Variants in SLCO1B3 observed in about 807,000 individuals in gnomAD.
The protein encoded by SLCO1B3 is solute carrier organic anion transporter family member 1B3.
In SLCO1B3, 72 loss-of-function variants were observed where a neutral mutation model predicts 71.8. The observed-to-expected ratio is 1.00, with a 90% CI of 0.83 to 1.22. The LOEUF (loss-of-function observed/expected upper bound fraction) is 1.22. Among genes scored for constraint, SLCO1B3 ranks in the 50% most tolerant of loss-of-function variants. SLCO1B3 has a pLI of 0.00. For synonymous variants in SLCO1B3, 298 were observed against 278.4 expected (o/e 1.07, Z -0.70); for missense variants, 911 against 819.7 (o/e 1.11, Z -1.36).
chr12:20,916,062 G>A lies in SLCO1B3; in HGVS notation c.1924G>A (p.Val642Ile), dbSNP rs550497909. ...LRFPALVLYI[V>I]FIFAMKKKFQ... Reference sequence around the variant, plus strand: ...ATTCCCAGCACTTGTTTTATATATTGTTTTCATTTTTGCTATGAAGAAAAA... The same window carrying A: ...ATTCCCAGCACTTGTTTTATATATTATTTTCATTTTTGCTATGAAGAAAAA... Residue 642 changes from valine to isoleucine, a missense_variant, in exon 16 of 16, where the codon GTT (valine) becomes ATT (isoleucine). By Grantham distance (29) the Val-to-Ile change is conservative. Transcript: ENST00000381545. 6.2e-7 allele frequency: 1 copy of A among 1,611,010 alleles called. No individual in the cohort carries two copies. The highest frequency in any genetic ancestry group is 1.3e-5 in the African/African-American group (1 of 74,922).
Position 20,815,024 on chromosome 12 carries a change from T to G in SLCO1B3, c.-65-650T>G, listed in dbSNP as rs11045525. Among the ~76,000 whole-genome samples the G allele has an allele frequency of 2.1e-3, 317 of 151,022 alleles. 1 individual carries two copies. The highest frequency in any genetic ancestry group is 7.0e-3 in the Middle Eastern group (2 of 286). ...ATTTTTCAACTACATGCATGTATTT[T>G]CTCTTGAAAAATAAGTGGATAAACC... is the stretch of plus-strand genomic sequence containing the variant. On this transcript the variant is annotated intron_variant, in intron 2 of 15. Coordinates refer to ENST00000381545, the MANE Select transcript of SLCO1B3 (RefSeq NM_019844.4).
At chr12:20,905,192 G>C (rs568267673) in intron 15 of SLCO1B3, among the ~76,000 whole-genome samples, 1 of 152,138 alleles carries the variant, frequency 6.6e-6, no homozygotes, top group Non-Finnish European at 1.5e-5. Context: ...CATCTCCCAA[G>C]GTTGCACAGG....
intron 13 of SLCO1B3, among the ~76,000 whole-genome samples, chr12:20,887,693 A>AT (rs1467921208): frequency 2.7e-5 from 4 of 149,752 alleles, no homozygotes; most frequent in East Asian, 2.0e-4. Context: ...GATTATTATT[A>AT]TTATTTTTTT....
intron 8 of SLCO1B3, among the ~76,000 whole-genome samples, chr12:20,872,977 T>TA (rs1472444120): frequency 3.9e-5 from 6 of 152,108 alleles, no homozygotes; most frequent in Non-Finnish European, 8.8e-5. Context: ...GCATCTAGAG[T>TA]ATGCAGGGTC....
chr12:20,908,255 TGAG>T (rs1242036259), intron 15 of SLCO1B3, among the ~76,000 whole-genome samples: 2 of 152,180 alleles, frequency 1.3e-5, no homozygotes, highest in Admixed American at 6.6e-5. Flanking sequence ...ACAGTAAAAT[TGAG>T]GAGAAAGCAC....
At chr12:20,843,401 A>T in intron 3 of SLCO1B3, among the ~76,000 whole-genome samples, 1 of 152,128 alleles carries the variant, frequency 6.6e-6, no homozygotes, top group East Asian at 1.9e-4. Flanking sequence ...TTGAGACCTT[A>T]TATGCTCAAT....
At chr12:20,873,633 T>C (rs1481988136) in intron 8 of SLCO1B3, among the ~76,000 whole-genome samples, 2 of 152,202 alleles carry the variant, frequency 1.3e-5, no homozygotes, top group South Asian at 2.1e-4. Flanking sequence ...AGTTCCAGGA[T>C]ACATGTGCAG....
At chr12:20,835,636 G>A (rs753313044) in intron 3 of SLCO1B3, among the ~76,000 whole-genome samples, 25 of 152,206 alleles carry the variant, frequency 1.6e-4, no homozygotes, top group Middle Eastern at 3.4e-3. Flanking sequence ...CTTCAGCCTG[G>A]ACTTTATTGT....
chr12:20,845,512 C>T (rs550050113), intron 3 of SLCO1B3, among the ~76,000 whole-genome samples: 3 of 152,046 alleles, frequency 2.0e-5, no homozygotes, highest in Non-Finnish European at 2.9e-5. Flanking sequence ...ATAGATGCTT[C>T]AGTTTGTTCT....
chr12:20,827,614 C>T (rs553598247), intron 3 of SLCO1B3, among the ~76,000 whole-genome samples: 3 of 152,006 alleles, frequency 2.0e-5, no homozygotes, highest in East Asian at 1.9e-4. Flanking sequence ...CTCCGTTGCC[C>T]GGGCTGGAGT....
chr12:20,900,824 G>A (rs915339826), intron 14 of SLCO1B3, among the ~76,000 whole-genome samples: 2 of 152,178 alleles, frequency 1.3e-5, no homozygotes, highest in South Asian at 2.1e-4. Flanking sequence ...GTGAAGCTGG[G>A]CCTGAACTTC....
chr12:20,857,575 A>C (rs1372787160), intron 4 of SLCO1B3, among the ~76,000 whole-genome samples: 2 of 151,924 alleles, frequency 1.3e-5, no homozygotes, highest in Non-Finnish European at 2.9e-5. Flanking sequence ...TATTATTTTT[A>C]GTCTGCCAGT....
intron 2 of SLCO1B3, among the ~76,000 whole-genome samples, chr12:20,815,243 C>A (rs1028615801): frequency 2.0e-5 from 3 of 152,000 alleles, no homozygotes; most frequent in African/African-American, 7.2e-5. Flanking sequence ...ATTTTTCAAC[C>A]CATTTTGAGT....
intron 3 of SLCO1B3, among the ~76,000 whole-genome samples, chr12:20,844,398 C>G (rs1864865910): frequency 1.3e-5 from 2 of 151,778 alleles, no homozygotes; most frequent in African/African-American, 2.4e-5. Context: ...GAAACCCCCT[C>G]TCTACTAAAA....
intron 3 of SLCO1B3, among the ~76,000 whole-genome samples, chr12:20,821,240 C>T (rs561304134): frequency 1.3e-5 from 2 of 152,128 alleles, no homozygotes; most frequent in African/African-American, 4.8e-5. Context: ...GACCATTTGC[C>T]CGTTTTACGA....
chr12:20,828,661 A>ACG (rs1864478322), intron 3 of SLCO1B3, among the ~76,000 whole-genome samples: 1 of 152,042 alleles, frequency 6.6e-6, no homozygotes, highest in South Asian at 2.1e-4. Flanking sequence ...ACACACACAC[A>ACG]CACACTCACA....
chr12:20,852,524 A>T (rs1374603280), intron 3 of SLCO1B3, among the ~76,000 whole-genome samples: 1 of 152,174 alleles, frequency 6.6e-6, no homozygotes, highest in East Asian at 1.9e-4. Flanking sequence ...TAAAATCTGT[A>T]GATGAGTTTG....
At chr12:20,864,936 C>T (rs77041891) in intron 8 of SLCO1B3, among the ~76,000 whole-genome samples, 1 of 152,074 alleles carries the variant, frequency 6.6e-6, no homozygotes, top group Non-Finnish European at 1.5e-5. Flanking sequence ...TCTCCCCATA[C>T]ACACTAAAAC....
intron 12 of SLCO1B3, among the ~76,000 whole-genome samples, chr12:20,881,354 A>G (rs1865690680): frequency 6.6e-6 from 1 of 152,124 alleles, no homozygotes; most frequent in Non-Finnish European, 1.5e-5. Context: ...CATGATTTTT[A>G]TTATTTGGAA....
Sources: allele counts gnomAD v4.1 joint callset (sites outside exome capture counted in the v4.1 genomes callset), GRCh38; gene constraint gnomAD v4.1.1; transcripts MANE v1.5; gene names NCBI Gene and HGNC (gene_info 2026-07-23, HGNC 2026-07-21).